ARHGAP26: variants seen among roughly 807,000 people sequenced by gnomAD.
ARHGAP26 encodes rho GTPase-activating protein 26.
In ARHGAP26, 38 loss-of-function variants were observed where a neutral mutation model predicts 104.8. That is an observed-to-expected ratio of 0.36 (90% CI 0.28 to 0.48). The LOEUF (loss-of-function observed/expected upper bound fraction) is 0.48. ARHGAP26 is among the 20% of genes least tolerant of loss of function. The pLI, the probability that ARHGAP26 is intolerant of heterozygous loss-of-function variation, is 0.99. For synonymous variants in ARHGAP26, 341 were observed against 340.0 expected (o/e 1.00, Z -0.03); for missense variants, 704 against 947.9 (o/e 0.74, Z 3.38).
intron 21 of ARHGAP26, among the ~76,000 whole-genome samples, chr5:143,211,335 C>T (rs1347345424): frequency 6.6e-6 from 1 of 152,160 alleles, no homozygotes; most frequent in Non-Finnish European, 1.5e-5. Context: ...ATTCTGCCAT[C>T]CAAATCTAAC....
chr5:142,902,630 G>C (rs1222356729), intron 7 of ARHGAP26, among the ~76,000 whole-genome samples: 2 of 152,234 alleles, frequency 1.3e-5, no homozygotes, highest in Non-Finnish European at 2.9e-5. Context: ...TCTTCACTGT[G>C]GGATTGGACC....
intron 11 of ARHGAP26, among the ~76,000 whole-genome samples, chr5:142,965,003 G>A (rs568374800): frequency 1.6e-4 from 25 of 152,288 alleles, no homozygotes; most frequent in Non-Finnish European, 1.5e-5. Flanking sequence ...CCAATGATAG[G>A]TAAGGTCATG....
intron 12 of ARHGAP26, among the ~76,000 whole-genome samples, chr5:143,026,128 G>A (rs1781018411): frequency 2.0e-5 from 3 of 152,198 alleles, no homozygotes; most frequent in Admixed American, 1.3e-4. Flanking sequence ...ACCAATATAT[G>A]CAGCCACCTG....
intron 11 of ARHGAP26, among the ~76,000 whole-genome samples, chr5:143,007,899 C>T (rs546516067): frequency 1.3e-5 from 2 of 152,298 alleles, no homozygotes; most frequent in African/African-American, 4.8e-5. Context: ...TTCCCTTCAT[C>T]TCTTAATTAG....
At chr5:143,203,684 A>C (rs549056082) in intron 20 of ARHGAP26, 3 of 152,360 alleles carry the variant, frequency 2.0e-5, no homozygotes, top group Admixed American at 1.3e-4. Context: ...AATGCCCATC[A>C]GTGATAGACT....
At chr5:142,948,355 G>C (rs1167690637) in intron 11 of ARHGAP26, among the ~76,000 whole-genome samples, 1 of 151,862 alleles carries the variant, frequency 6.6e-6, no homozygotes, top group African/African-American at 2.4e-5. Context: ...GTGTGCATAT[G>C]TGAATATGTA....
At chr5:143,048,711 C>T (rs1442918440) in intron 14 of ARHGAP26, among the ~76,000 whole-genome samples, 9 of 151,526 alleles carry the variant, frequency 5.9e-5, no homozygotes, top group East Asian at 3.9e-4. Flanking sequence ...GTCAGGAGTT[C>T]GAGACCAGCT....
intron 20 of ARHGAP26, among the ~76,000 whole-genome samples, chr5:143,185,581 C>CA (rs1265152601): frequency 6.6e-6 from 1 of 152,020 alleles, no homozygotes; most frequent in Non-Finnish European, 1.5e-5. Flanking sequence ...TTTCCAAAAG[C>CA]AAAAAATGGC....
intron 17 of ARHGAP26, among the ~76,000 whole-genome samples, chr5:143,060,015 AGAG>A (rs1285264089): frequency 6.6e-6 from 1 of 152,366 alleles, no homozygotes; most frequent in Middle Eastern, 3.4e-3. Context: ...TTTGGCATCC[AGAG>A]GAGTTCTAAG....
chr5:143,197,656 A>G (rs1445550314), intron 20 of ARHGAP26, among the ~76,000 whole-genome samples: 1 of 151,994 alleles, frequency 6.6e-6, no homozygotes, highest in Non-Finnish European at 1.5e-5. Flanking sequence ...CCCTTTTAAT[A>G]TTGTTTTTGA....
chr5:142,795,064 A>G (rs911733986), intron 1 of ARHGAP26, among the ~76,000 whole-genome samples: 1 of 152,048 alleles, frequency 6.6e-6, no homozygotes, highest in Non-Finnish European at 1.5e-5. Flanking sequence ...TTTTAAAAAA[A>G]TTTATAGCCC....
At chr5:143,208,226 A>G (rs1034402810) in intron 21 of ARHGAP26, among the ~76,000 whole-genome samples, 2 of 152,222 alleles carry the variant, frequency 1.3e-5, no homozygotes, top group Admixed American at 6.5e-5. Flanking sequence ...AAGAACGAAT[A>G]GGGATCCTGC....
intron 12 of ARHGAP26, among the ~76,000 whole-genome samples, chr5:143,020,915 C>T (rs1780261248): frequency 6.6e-6 from 1 of 152,128 alleles, no homozygotes; most frequent in African/African-American, 2.4e-5. Flanking sequence ...GCTGGGATTA[C>T]AGGCGTGAGC....
At chr5:142,783,016 T>G (rs1246934007) in intron 1 of ARHGAP26, among the ~76,000 whole-genome samples, 3 of 152,100 alleles carry the variant, frequency 2.0e-5, no homozygotes, top group Non-Finnish European at 4.4e-5. Flanking sequence ...CCCACTCCCT[T>G]CCATCTCACC....
At chr5:143,089,795 A>G (rs1003662242) in intron 17 of ARHGAP26, among the ~76,000 whole-genome samples, 44 of 152,180 alleles carry the variant, frequency 2.9e-4, no homozygotes, top group African/African-American at 9.9e-4. Flanking sequence ...GGTATTCCCC[A>G]TGGGACTCTA....
intron 11 of ARHGAP26, among the ~76,000 whole-genome samples, chr5:143,006,316 CTTTT>C (rs34154406): frequency 9.7e-5 from 11 of 112,872 alleles, no homozygotes; most frequent in African/African-American, 1.9e-4. Context: ...AGTGTTTTTT[CTTTT>C]TTTTTTTTTT....
At chr5:142,862,636 G>A (rs1015696224) in intron 1 of ARHGAP26, among the ~76,000 whole-genome samples, 3 of 152,152 alleles carry the variant, frequency 2.0e-5, no homozygotes, top group Non-Finnish European at 4.4e-5. Flanking sequence ...TTCTGTCTGG[G>A]TGCGTGGGCC....
intron 1 of ARHGAP26, among the ~76,000 whole-genome samples, chr5:142,774,706 A>AC (rs1251363803): frequency 1.3e-5 from 2 of 152,078 alleles, no homozygotes; most frequent in African/African-American, 4.8e-5. Context: ...TACTTTCACT[A>AC]CCCTAAAAAT....
At chr5:142,806,834 C>A (rs754521152) in intron 1 of ARHGAP26, among the ~76,000 whole-genome samples, 2 of 152,164 alleles carry the variant, frequency 1.3e-5, no homozygotes, top group Admixed American at 1.3e-4. Context: ...GGATTTCTTA[C>A]GCATATTTGG....
Sources: allele counts gnomAD v4.1 joint callset (sites outside exome capture counted in the v4.1 genomes callset), GRCh38; gene constraint gnomAD v4.1.1; transcripts MANE v1.5; gene names NCBI Gene and HGNC (gene_info 2026-07-23, HGNC 2026-07-21).